Variants in PCDHGA1 observed in about 807,000 individuals in gnomAD.
The protein encoded by PCDHGA1 is protocadherin gamma-A1.
In PCDHGA1, 32 loss-of-function variants were observed where a neutral mutation model predicts 58.0. That is an observed-to-expected ratio of 0.55 (90% CI 0.42 to 0.74). PCDHGA1 has a LOEUF of 0.74. Ranked by LOEUF, PCDHGA1 falls within the 30% of genes least tolerant of loss-of-function variation. The pLI, the probability that PCDHGA1 is intolerant of heterozygous loss-of-function variation, is 0.00. For missense variants in PCDHGA1, 1,205 were observed against 1,182.3 expected (o/e 1.02, Z -0.28); for synonymous variants, 498 against 501.1 (o/e 0.99, Z 0.08).
intron 1 of PCDHGA1, among the ~76,000 whole-genome samples, chr5:141,456,276 C>T (rs1319517390): frequency 1.3e-5 from 2 of 152,146 alleles, no homozygotes; most frequent in South Asian, 4.1e-4. Flanking sequence ...CTACTTCCTG[C>T]TGAAAAGGGG....
intron 1 of PCDHGA1, chr5:141,338,976 C>A (rs759170549): frequency 2.6e-6 from 4 of 1,530,360 alleles, no homozygotes; most frequent in South Asian, 1.3e-5. Flanking sequence ...AGGGAAATGG[C>A]GGCTCTGCAA....
intron 1 of PCDHGA1, chr5:141,388,083 C>A (rs942656707): frequency 1.5e-6 from 2 of 1,358,264 alleles, no homozygotes; most frequent in South Asian, 1.3e-5. Flanking sequence ...TCGAAAACTG[C>A]GCGTCAGTTC....
intron 1 of PCDHGA1, chr5:141,402,843 G>A (rs1370040306): frequency 5.7e-6 from 8 of 1,399,114 alleles, no homozygotes; most frequent in Non-Finnish European, 6.6e-6. Context: ...GCAAAACTCA[G>A]CCTCTTTCTT....
intron 1 of PCDHGA1, among the ~76,000 whole-genome samples, chr5:141,373,662 T>C (rs1319235176): frequency 6.6e-6 from 1 of 152,246 alleles, no homozygotes; most frequent in Non-Finnish European, 1.5e-5. Context: ...GATATTTTCA[T>C]AAAAATGAAT....
chr5:141,510,862 C>CATTCA, intron 3 of PCDHGA1, 85 bp from the exon 4 acceptor site: 1 of 1,606,772 alleles, frequency 6.2e-7, no homozygotes, highest in South Asian at 1.1e-5. Flanking sequence ...GCTGTATAGG[C>CATTCA]ATTCATTAAC....
intron 1 of PCDHGA1, chr5:141,385,652 G>T: frequency 1.5e-6 from 1 of 651,480 alleles, no homozygotes; most frequent in South Asian, 5.5e-5. Context: ...ATTGCACAAG[G>T]TTAGCAGGAA....
chr5:141,492,499 C>T (rs2099741220), intron 1 of PCDHGA1, among the ~76,000 whole-genome samples: 1 of 152,198 alleles, frequency 6.6e-6, no homozygotes. Context: ...GGCGAGGACT[C>T]CGGAGCCTCC....
intron 1 of PCDHGA1, chr5:141,396,140 G>A (rs1199993001): frequency 2.0e-5 from 3 of 152,178 alleles, no homozygotes; most frequent in Non-Finnish European, 4.4e-5. Flanking sequence ...TTCTAAATAA[G>A]CTGATCAATT....
chr5:141,487,403 C>T lies in PCDHGA1; in HGVS notation c.2422-7404C>T. 1 of 1,614,140 alleles carries T rather than the reference C, an allele frequency of 6.2e-7. No homozygotes were observed. Among genetic ancestry groups the T allele is most frequent in the South Asian group, 1.1e-5 (1 of 91,082 alleles). ...CAGATCTCGAAGGAGGGAGGGGCTTCCCCCTTCCAATGGGATCCTCCGAAT... is the reference window on the plus strand; with the variant it reads ...CAGATCTCGAAGGAGGGAGGGGCTTTCCCCTTCCAATGGGATCCTCCGAAT... On this transcript the variant is annotated intron_variant, in intron 1 of 3. Coordinates refer to ENST00000517417, the MANE Select transcript of PCDHGA1 (RefSeq NM_018912.3). The surrounding 1 kb of genome is among the most constrained non-coding windows in gnomAD (Gnocchi z 5.0).
intron 1 of PCDHGA1, chr5:141,418,622 G>C: frequency 6.2e-7 from 1 of 1,614,026 alleles, no homozygotes; most frequent in Non-Finnish European, 8.5e-7. Context: ...TCGGGAAGAC[G>C]TGCCTCCAGG....
intron 1 of PCDHGA1, chr5:141,392,938 G>T: frequency 6.2e-7 from 1 of 1,613,954 alleles, no homozygotes; most frequent in Non-Finnish European, 8.5e-7. Flanking sequence ...ACGGACAAAG[G>T]CTCCTTCGTG....
intron 1 of PCDHGA1, among the ~76,000 whole-genome samples, chr5:141,369,996 C>T (rs1292122597): frequency 6.6e-6 from 1 of 152,078 alleles, no homozygotes; most frequent in Non-Finnish European, 1.5e-5. Flanking sequence ...GGATAAAGCT[C>T]AAATTAAAAG....
At chr5:141,447,613 A>G (rs1169186870) in intron 1 of PCDHGA1, among the ~76,000 whole-genome samples, 1 of 152,186 alleles carries the variant, frequency 6.6e-6, no homozygotes, top group Admixed American at 6.5e-5. Context: ...TTAGCATTTT[A>G]AAGTTGAAAC....
At chr5:141,414,957 G>A in intron 1 of PCDHGA1, 7 of 1,614,018 alleles carry the variant, frequency 4.3e-6, no homozygotes, top group Non-Finnish European at 3.4e-6. Flanking sequence ...TGGTGACCAA[G>A]GTGGTGGCGG....
chr5:141,356,809 A>T, intron 1 of PCDHGA1: 1 of 1,614,080 alleles, frequency 6.2e-7, no homozygotes, highest in Non-Finnish European at 8.5e-7. Flanking sequence ...AGCCAGTGAC[A>T]GTGGAGACCC....
intron 1 of PCDHGA1, among the ~76,000 whole-genome samples, chr5:141,435,953 G>A (rs2097789156): frequency 6.6e-6 from 1 of 151,984 alleles, no homozygotes; most frequent in Non-Finnish European, 1.5e-5. Context: ...CAAAAAAGGG[G>A]GCAAAATATA....
chr5:141,420,330 C>G lies in PCDHGA1; in HGVS notation c.2422-74477C>G, dbSNP rs765696240. 711 of 1,399,258 alleles carry G rather than the reference C, an allele frequency of 5.1e-4. 1 individual carries two copies. The highest frequency in any genetic ancestry group is 6.5e-4 in the Non-Finnish European group (676 of 1,043,138). 86.7% of individuals were successfully genotyped at this position (1,399,258 alleles called of 1,614,324 possible). A position where few individuals can be genotyped will look rare whatever the true frequency, so the allele number is the denominator to read the frequency against. On this transcript the variant is annotated intron_variant, in intron 1 of 3. Coordinates refer to ENST00000517417, the MANE Select transcript of PCDHGA1 (RefSeq NM_018912.3). Reference sequence around the variant, plus strand: ...TTATATTACAATATGCCAATATATTCCAATATAGTGGTATTATTTTAAGAT... The same window carrying G: ...TTATATTACAATATGCCAATATATTGCAATATAGTGGTATTATTTTAAGAT...
At position 141,485,035 on chromosome 5, in the gene PCDHGA1, AC is replaced by A; in HGVS notation, c.2422-9769del. ...CCGCCACCAGCAAAAACGGCGCGTA[AC>A]CCTTGCGGCGCCGGCCGAACCGCGC... On this transcript the variant is annotated intron_variant, in intron 1 of 3. Coordinates refer to ENST00000517417, the MANE Select transcript of PCDHGA1 (RefSeq NM_018912.3). The surrounding 1 kb of genome is among the most constrained non-coding windows in gnomAD (Gnocchi z 5.7). 1.4e-6 allele frequency: 1 copy of A among 694,388 alleles called. No homozygotes were observed. Among genetic ancestry groups the A allele is most frequent in the East Asian group, 2.6e-5 (1 of 38,852 alleles). The allele number at this position is 694,388 out of a possible 1,614,324, so 43.0% of individuals were successfully genotyped here.
chr5:141,388,032 C>T (rs747852798), intron 1 of PCDHGA1: 3 of 1,431,396 alleles, frequency 2.1e-6, no homozygotes, highest in Non-Finnish European at 1.9e-6. Flanking sequence ...AGTGGGGAAC[C>T]TCGCCACGGA....
Sources: gnomAD v4.1 joint callset for allele counts (sites outside exome capture counted in the v4.1 genomes callset) on GRCh38, gnomAD v4.1.1 for gene constraint, Gnocchi (gnomAD v3.1) non-coding constraint, MANE v1.5 for transcripts, NCBI Gene and HGNC (gene_info 2026-07-23, HGNC 2026-07-21) for gene names.